Variants in SH3PXD2A observed in about 807,000 individuals in gnomAD.
SH3PXD2A encodes SH3 and PX domains 2A, also known as SH3 and PX domain-containing protein 2A.
Under a neutral mutation model 115.2 loss-of-function variants are expected in SH3PXD2A, and 32 were observed. That is an observed-to-expected ratio of 0.28 (90% confidence interval 0.21 to 0.37). SH3PXD2A has a LOEUF of 0.37. Among genes scored for constraint, SH3PXD2A ranks in the 10% least tolerant of loss-of-function variants. The pLI is 1.00. For missense variants in SH3PXD2A, 1,328 were observed against 1,498.7 expected (o/e 0.89, Z 1.88); for synonymous variants, 610 against 629.1 (o/e 0.97, Z 0.45).
intron 8 of SH3PXD2A, among the ~76,000 whole-genome samples, chr10:103,652,010 G>T (rs2037132158): frequency 6.6e-6 from 1 of 152,190 alleles, no homozygotes. Context: ...TTGCTTTATG[G>T]ACAGTCCTTG....
chr10:103,747,407 C>T (rs1367095473), intron 3 of SH3PXD2A, among the ~76,000 whole-genome samples: 1 of 152,184 alleles, frequency 6.6e-6, no homozygotes, highest in Non-Finnish European at 1.5e-5. Flanking sequence ...GGGCCCCATT[C>T]AGCCTGTGCA....
chr10:103,816,655 A>G (rs982423879), intron 1 of SH3PXD2A, among the ~76,000 whole-genome samples: 2 of 152,238 alleles, frequency 1.3e-5, no homozygotes, highest in Admixed American at 1.3e-4. Context: ...ATTCTGAGGC[A>G]TCTACCTAAG....
intron 8 of SH3PXD2A, among the ~76,000 whole-genome samples, chr10:103,650,165 A>G (rs2037098043): frequency 2.0e-5 from 1 of 49,484 alleles, no homozygotes. Flanking sequence ...CCAGGTGAGC[A>G]GCAGCTCAGC....
intron 3 of SH3PXD2A, among the ~76,000 whole-genome samples, chr10:103,751,357 C>CA (rs142263180): frequency 0.028 from 4,322 of 152,282 alleles, 196 homozygotes; most frequent in African/African-American, 0.098. Context: ...TTATATATGT[C>CA]TACTATGTGC....
intron 13 of SH3PXD2A, among the ~76,000 whole-genome samples, chr10:103,607,606 C>A (rs1316880717): frequency 4.0e-5 from 6 of 149,124 alleles, no homozygotes; most frequent in African/African-American, 9.9e-5. Context: ...CCCTACTGGG[C>A]AGTGAGGAGC....
At chr10:103,691,892 T>C (rs1257615923) in intron 6 of SH3PXD2A, among the ~76,000 whole-genome samples, 2 of 152,166 alleles carry the variant, frequency 1.3e-5, no homozygotes, top group South Asian at 2.1e-4. Context: ...CCTGTCCCAA[T>C]AGGCACGTGA....
intron 4 of SH3PXD2A, among the ~76,000 whole-genome samples, chr10:103,730,235 T>TC (rs202189706): frequency 1.4e-5 from 1 of 72,000 alleles, no homozygotes; most frequent in African/African-American, 1.1e-4. Context: ...CTCGTTTCTT[T>TC]TTTTTTTTTT....
intron 10 of SH3PXD2A, among the ~76,000 whole-genome samples, chr10:103,619,730 T>C (rs2036575092): frequency 6.6e-6 from 1 of 152,220 alleles, no homozygotes. Flanking sequence ...ATATCAGTTC[T>C]GGCCGGTAAA....
intron 8 of SH3PXD2A, among the ~76,000 whole-genome samples, chr10:103,635,510 C>T (rs2036850487): frequency 6.6e-6 from 1 of 152,212 alleles, no homozygotes; most frequent in Non-Finnish European, 1.5e-5. Context: ...TGACCCCTCC[C>T]AGACAGGGGC....
intron 8 of SH3PXD2A, among the ~76,000 whole-genome samples, chr10:103,652,333 C>T (rs571326683): frequency 7.0e-4 from 106 of 152,342 alleles, no homozygotes; most frequent in African/African-American, 2.5e-3. Context: ...CCCTGGCTCC[C>T]CCAGACTTTG....
intron 9 of SH3PXD2A, among the ~76,000 whole-genome samples, chr10:103,623,274 CT>C (rs201983742): frequency 0.043 from 6,517 of 150,902 alleles, 469 homozygotes; most frequent in African/African-American, 0.15. Flanking sequence ...CAGGGGCCCC[CT>C]CCCCAGCTTC....
intron 5 of SH3PXD2A, among the ~76,000 whole-genome samples, chr10:103,712,868 C>A (rs2038062046): frequency 6.6e-6 from 1 of 152,324 alleles, no homozygotes; most frequent in Non-Finnish European, 1.5e-5. Context: ...GGGGTGTGGA[C>A]TTGGAGCTGA....
intron 2 of SH3PXD2A, among the ~76,000 whole-genome samples, chr10:103,779,342 G>A (rs1365808527): frequency 1.3e-5 from 2 of 152,168 alleles, no homozygotes; most frequent in Admixed American, 1.3e-4. Context: ...GTGCGGGGCC[G>A]GCTTCTTACT....
chr10:103,688,757 G>A (rs1264324926), intron 6 of SH3PXD2A, among the ~76,000 whole-genome samples: 8 of 152,296 alleles, frequency 5.3e-5, no homozygotes, highest in Admixed American at 5.2e-4. Flanking sequence ...AGCTCTGTGA[G>A]CCAGGGTAGG....
At chr10:103,699,880 C>T (rs1001995663) in intron 5 of SH3PXD2A, among the ~76,000 whole-genome samples, 10 of 152,298 alleles carry the variant, frequency 6.6e-5, no homozygotes, top group Middle Eastern at 3.4e-3. Context: ...CCAGAGGGGC[C>T]GGAATTCCTG....
rs2036102707 is a variant in SH3PXD2A, at chr10:103,594,205, A to G, written c.*7611T>C. 6.6e-6 allele frequency: 1 copy of G among 152,642 alleles called. No individual in the cohort carries two copies. Among genetic ancestry groups the G allele is most frequent in the Non-Finnish European group, 1.5e-5 (1 of 68,052 alleles). The allele number at this position is 152,642 out of a possible 1,614,324, so 9.5% of individuals were successfully genotyped here. ...AAGGACACCTGGAAAGTGGCAGGCC[A>G]AGGGGCTGGTCCCTTCCCCAAGGGC... On this transcript the variant is annotated 3_prime_UTR_variant, in exon 15 of 15. Transcript: ENST00000369774.
At chr10:103,843,304 G>A (rs1269479503) in intron 1 of SH3PXD2A, among the ~76,000 whole-genome samples, 2 of 152,150 alleles carry the variant, frequency 1.3e-5, no homozygotes, top group African/African-American at 4.8e-5. Context: ...ACTTCCAACT[G>A]CTGGCACCCA....
intron 1 of SH3PXD2A, among the ~76,000 whole-genome samples, chr10:103,854,945 G>C (rs1754715979): frequency 6.6e-6 from 1 of 152,178 alleles, no homozygotes; most frequent in South Asian, 2.1e-4. Context: ...CTTCACCGTT[G>C]TAACAGACAA....
chr10:103,707,211 T>C (rs1217140652), intron 5 of SH3PXD2A, among the ~76,000 whole-genome samples: 1 of 152,070 alleles, frequency 6.6e-6, no homozygotes, highest in African/African-American at 2.4e-5. Flanking sequence ...TTTTTTTTTT[T>C]TTTGAGATGG....
Sources: allele counts gnomAD v4.1 joint callset (sites outside exome capture counted in the v4.1 genomes callset), GRCh38; gene constraint gnomAD v4.1.1; transcripts MANE v1.5; gene names NCBI Gene and HGNC (gene_info 2026-07-23, HGNC 2026-07-21).